UNKL: variants seen among roughly 807,000 people sequenced by gnomAD.
UNKL encodes putative E3 ubiquitin-protein ligase UNKL.
UNKL carries 60 observed loss-of-function variants against 78.0 expected under a neutral mutation model. The observed-to-expected ratio is 0.77, with a 90% CI of 0.63 to 0.95. The LOEUF (loss-of-function observed/expected upper bound fraction) is 0.95, where lower values mean the gene tolerates loss of function less well. Among genes scored for constraint, UNKL ranks in the 40% least tolerant of loss-of-function variants. The pLI is 0.00. For synonymous variants in UNKL, 608 were observed against 474.8 expected (o/e 1.28, Z -3.65); for missense variants, 1,159 against 1,045.7 (o/e 1.11, Z -1.49).
chr16:1,370,304 TG>T lies in UNKL; in HGVS notation c.1410del (p.Arg471GlufsTer32). 1.3e-6 allele frequency: 2 copies of T among 1,533,860 alleles called. No homozygotes were observed. Among genetic ancestry groups the T allele is most frequent in the Non-Finnish European group, 8.7e-7 (1 of 1,145,858 alleles). ...SAPVAIPGSL[P>X]RAPSLHSPSS... Reference sequence around the variant, plus strand: ...GATGGCGAGTGTAGCGATGGTGCTCTGGGCAGGGAGCCGGGGATGGCGACAG... The same window carrying T: ...GATGGCGAGTGTAGCGATGGTGCTCTGGCAGGGAGCCGGGGATGGCGACAG... On this transcript the variant is annotated frameshift_variant, in exon 12 of 15. Coordinates refer to ENST00000389221, the MANE Select transcript of UNKL (RefSeq NM_001372107.1). LOFTEE classifies it high-confidence loss of function.
At chr16:1,402,271 AAGC>A (rs67668165) in intron 3 of UNKL, among the ~76,000 whole-genome samples, 139,831 of 147,450 alleles carry the variant, frequency 0.95, 66,246 homozygotes, top group East Asian at 0.99. Flanking sequence ...TTCTCCTGGA[AAGC>A]AGCAGTGCCT....
chr16:1,375,199 C>T (rs1410736377), intron 10 of UNKL, among the ~76,000 whole-genome samples: 2 of 152,220 alleles, frequency 1.3e-5, no homozygotes, highest in East Asian at 1.9e-4. Context: ...CAGAGGCTGG[C>T]GTGGACGTGG....
At chr16:1,366,795 G>A (rs1596632812) in intron 14 of UNKL, among the ~76,000 whole-genome samples, 2 of 152,054 alleles carry the variant, frequency 1.3e-5, no homozygotes, top group African/African-American at 2.4e-5. Flanking sequence ...ATGTGTGAGG[G>A]TCACAGCTGT....
At position 1,367,220 on chromosome 16, in the gene UNKL, GCTC is replaced by G. The variant is rs772955236; in HGVS notation, c.1915_1917del (p.Glu639del). On this transcript the variant is annotated inframe_deletion, in exon 14 of 15. Coordinates refer to ENST00000389221, the MANE Select transcript of UNKL (RefSeq NM_001372107.1). Reference sequence around the variant, plus strand: ...GTGGAGGCTACGCCCAGGCCCTCCAGCTCCTCCTGCAGCTGCTTCACCTGTGCC... The same window carrying G: ...GTGGAGGCTACGCCCAGGCCCTCCAGCTCCTGCAGCTGCTTCACCTGTGCC... 1.2e-6 allele frequency: 2 copies of G among 1,602,676 alleles called. No individual in the cohort carries two copies. The highest frequency in any genetic ancestry group is 2.2e-5 in the East Asian group (1 of 44,588).
chr16:1,409,277 CCTTT>C (rs1272698741), intron 2 of UNKL, among the ~76,000 whole-genome samples: 1 of 152,188 alleles, frequency 6.6e-6, no homozygotes, highest in Non-Finnish European at 1.5e-5. Flanking sequence ...TCTGAACGTT[CCTTT>C]ATTTACAAAT....
intron 4 of UNKL, 45 bp downstream of exon 4, chr16:1,401,523 G>GGGGGC: frequency 6.8e-7 from 1 of 1,470,348 alleles, no homozygotes; most frequent in Non-Finnish European, 9.1e-7. Context: ...CTCGCGCTGT[G>GGGGGC]CCCGCCCCCC....
At chr16:1,400,726 C>G (rs1008820321) in intron 4 of UNKL, among the ~76,000 whole-genome samples, 3 of 151,790 alleles carry the variant, frequency 2.0e-5, no homozygotes. Context: ...CTCACTCTGT[C>G]ACCCACACTG....
In UNKL at chr16:1,413,887, G is replaced by A. The variant is rs1041753123; in HGVS notation, c.246C>T (p.Ser82=). The A allele has an allele frequency of 1.9e-6, 3 of 1,555,762 alleles. No homozygotes were observed. Among genetic ancestry groups the A allele is most frequent in the Non-Finnish European group, 2.6e-6 (3 of 1,149,470 alleles). ...TFNYSPDVYC[S]KYNEATGVCP... is the part of the protein sequence containing the mutation. ...ACACGCCGGTGGCTTCGTTGTACTTGGAGCAGTACACGTCGGGGCTGTAGT... is the reference window on the plus strand; with the variant it reads ...ACACGCCGGTGGCTTCGTTGTACTTAGAGCAGTACACGTCGGGGCTGTAGT... The change falls in exon 2 of 15, where the codon TCC becomes TCT. Residue 82 remains serine (S), a synonymous_variant. Coordinates refer to ENST00000389221, the MANE Select transcript of UNKL (RefSeq NM_001372107.1).
chr16:1,386,130 T>G (rs2036802757), intron 9 of UNKL, among the ~76,000 whole-genome samples: 1 of 152,226 alleles, frequency 6.6e-6, no homozygotes, highest in South Asian at 2.1e-4. Flanking sequence ...AGTTTCTGGC[T>G]GGGCACAGTG....
At chr16:1,395,825 TTGAG>T (rs1274627284) in intron 6 of UNKL, 5 of 446,754 alleles carry the variant, frequency 1.1e-5, no homozygotes, top group Admixed American at 4.7e-5. Flanking sequence ...GGTGACACCA[TTGAG>T]TGTGTGGTCA....
intron 10 of UNKL, among the ~76,000 whole-genome samples, chr16:1,372,846 C>T (rs1451828916): frequency 1.4e-5 from 2 of 147,414 alleles, no homozygotes; most frequent in African/African-American, 2.5e-5. Context: ...CAGGGACTGC[C>T]GGCCTACACT....
chr16:1,376,272 G>A (rs925410721), intron 10 of UNKL, among the ~76,000 whole-genome samples: 24 of 138,868 alleles, frequency 1.7e-4, no homozygotes, highest in Non-Finnish European at 3.1e-4. Context: ...CTCTCTCCAG[G>A]GCTGGGGCAC....
chr16:1,366,323 A>G lies in UNKL; in HGVS notation c.2119T>C (p.Cys707Arg). 6.2e-7 allele frequency: 1 copy of G among 1,603,766 alleles called. No individual in the cohort carries two copies. The highest frequency in any genetic ancestry group is 8.5e-7 in the Non-Finnish European group (1 of 1,176,440). Residue 707 changes from cysteine to arginine, a missense_variant, in exon 15 of 15, where the codon TGT (cysteine) becomes CGT (arginine). Cys to Arg is a radical substitution (Grantham distance 180). Transcript: ENST00000389221. ...ERAHGAVLRP[C>R]QHHILCEPCA... ...GGCTCACAGAGGATGTGGTGCTGAC[A>G]GGGCCGCAGGACAGCACCGTGGGCC...
Position 1,366,677 on chromosome 16 carries a change from G to A in UNKL, c.2047-282C>T, listed in dbSNP as rs530636384. ...ACAGGCCAGGCCCCTGAGGGCAGCTGGGTGCCCAGGATGTGGGCTACGCAG... is the reference window on the plus strand; with the variant it reads ...ACAGGCCAGGCCCCTGAGGGCAGCTAGGTGCCCAGGATGTGGGCTACGCAG... On this transcript the variant is annotated intron_variant, in intron 14 of 14. Transcript: ENST00000389221. Among the ~76,000 whole-genome samples the A allele has an allele frequency of 1.1e-4, 16 of 152,354 alleles. No individual in the cohort carries two copies. In the East Asian group the frequency reaches 2.9e-3, roughly 28 times the overall value.
chr16:1,390,996 C>T (rs1319575416), intron 8 of UNKL, among the ~76,000 whole-genome samples: 3 of 152,120 alleles, frequency 2.0e-5, no homozygotes, highest in African/African-American at 7.2e-5. Context: ...CACCATTGCA[C>T]TCCAGCCTGG....
intron 12 of UNKL, among the ~76,000 whole-genome samples, chr16:1,368,574 A>AG (rs1330331491): frequency 8.2e-6 from 1 of 121,328 alleles, no homozygotes; most frequent in Non-Finnish European, 1.6e-5. Context: ...TGCAGTCCGC[A>AG]GTCCGGCCTG....
At position 1,394,121 on chromosome 16, in the gene UNKL, G is replaced by T. The variant is rs1002006502; in HGVS notation, c.937+10C>A. On this transcript the variant is annotated intron_variant, in intron 7 of 14. Transcript: ENST00000389221. ...GCTAAGGTGAACCTGCCACAGGGAC[G>T]GTTACTCACTCTCAACGTGTGCAAA... 6.5e-7 allele frequency: 1 copy of T among 1,549,436 alleles called. No individual in the cohort carries two copies. The highest frequency in any genetic ancestry group is 2.4e-5 in the East Asian group (1 of 40,872).
At chr16:1,379,377 G>A (rs1460597498) in intron 10 of UNKL, among the ~76,000 whole-genome samples, 2 of 151,980 alleles carry the variant, frequency 1.3e-5, no homozygotes, top group Non-Finnish European at 2.9e-5. Context: ...CGCCTAGCTA[G>A]GGGACGCAGG....
At chr16:1,372,124 C>T (rs1375212428) in intron 10 of UNKL, among the ~76,000 whole-genome samples, 3 of 151,678 alleles carry the variant, frequency 2.0e-5, no homozygotes, top group Admixed American at 6.6e-5. Flanking sequence ...ATTAGCCAGG[C>T]GTGGTGGCGG....
Sources: gnomAD v4.1 joint callset for allele counts (sites outside exome capture counted in the v4.1 genomes callset) on GRCh38, gnomAD v4.1.1 for gene constraint, MANE v1.5 for transcripts, NCBI Gene and HGNC (gene_info 2026-07-23, HGNC 2026-07-21) for gene names.